SPART: variants seen among roughly 807,000 people sequenced by gnomAD.
The protein encoded by SPART is spartin.
In SPART, 35 loss-of-function variants were observed where a neutral mutation model predicts 58.7. That is an observed-to-expected ratio of 0.60 (90% CI 0.46 to 0.79). The LOEUF (loss-of-function observed/expected upper bound fraction) is 0.79, where lower values mean the gene tolerates loss of function less well. Among genes scored for constraint, SPART ranks in the 30% least tolerant of loss-of-function variants. The pLI is 0.00. For synonymous variants in SPART, 284 were observed against 280.7 expected, an observed-to-expected ratio of 1.01 and a Z score of -0.12; for missense variants, 730 against 786.1, an observed-to-expected ratio of 0.93 and a Z score of 0.85.
chr13:36,366,876 G>A (rs2137736125), intron 1 of SPART, among the ~76,000 whole-genome samples: 1 of 152,282 alleles, frequency 6.6e-6, no homozygotes, highest in South Asian at 2.1e-4. Context: ...CATGCGCCAA[G>A]AAAGAAAATT....
At chr13:36,329,266 T>C in intron 4 of SPART, 96 bp downstream of exon 4, 1 of 1,417,386 alleles carries the variant, frequency 7.1e-7, no homozygotes, top group South Asian at 1.2e-5. Context: ...CAAGTTGCTT[T>C]GCTTTAGTAT....
In SPART at chr13:36,304,610, C is replaced by G; in HGVS notation, c.1756G>C (p.Ala586Pro). Residue 586 changes from alanine to proline, a missense_variant, in exon 9 of 9, where the codon GCT (alanine) becomes CCT (proline). Physicochemically the swap from Ala to Pro is conservative, Grantham distance 27. Transcript: ENST00000438666. ...RYKYGYNAGE[A>P]THHAVDSAVN... ...GCAGAATCCACCGCATGGTGGGTAG[C>G]TTCTCCTGCATTATATCCGTATCTT... 2 of 1,613,984 alleles carry G rather than the reference C, an allele frequency of 1.2e-6. No individual in the cohort carries two copies. The highest frequency in any genetic ancestry group is 1.7e-6 in the Non-Finnish European group (2 of 1,179,962).
At chr13:36,335,877 T>G in intron 1 of SPART, 45 bp from the exon 2 acceptor site, 1 of 1,454,378 alleles carries the variant, frequency 6.9e-7, no homozygotes, top group East Asian at 2.3e-5. Context: ...TAGCTATTGT[T>G]TACTTATGAT....
intron 1 of SPART, among the ~76,000 whole-genome samples, chr13:36,343,946 T>C (rs1184680180): frequency 4.0e-5 from 6 of 151,502 alleles, no homozygotes; most frequent in Non-Finnish European, 7.4e-5. Context: ...GGAGGATCGC[T>C]TGGGCCCAGA....
intron 1 of SPART, among the ~76,000 whole-genome samples, chr13:36,366,780 G>A (rs1460531293): frequency 7.7e-6 from 1 of 130,388 alleles, no homozygotes; most frequent in Admixed American, 8.0e-5. Flanking sequence ...ACCACCCTAC[G>A]TGTATCTGTG....
At chr13:36,359,048 A>C (rs1226491631) in intron 1 of SPART, among the ~76,000 whole-genome samples, 2 of 152,214 alleles carry the variant, frequency 1.3e-5, no homozygotes, top group Non-Finnish European at 2.9e-5. Flanking sequence ...TTAGATGAAG[A>C]AGTAGAAGCT....
chr13:36,309,870 A>C (rs983231269), intron 8 of SPART, among the ~76,000 whole-genome samples: 3 of 152,200 alleles, frequency 2.0e-5, no homozygotes, highest in African/African-American at 7.2e-5. Context: ...TGTACCCTTT[A>C]ATCTATAATA....
chr13:36,362,471 A>G (rs1335442705), intron 1 of SPART, among the ~76,000 whole-genome samples: 2 of 152,060 alleles, frequency 1.3e-5, no homozygotes, highest in South Asian at 2.1e-4. Flanking sequence ...ACATGTATTC[A>G]CTACATCTTT....
At chr13:36,339,398 G>A (rs1470585097) in intron 1 of SPART, among the ~76,000 whole-genome samples, 1 of 151,728 alleles carries the variant, frequency 6.6e-6, no homozygotes, top group African/African-American at 2.4e-5. Flanking sequence ...AATATGTGAG[G>A]CTGAGGCGGG....
intron 5 of SPART, among the ~76,000 whole-genome samples, chr13:36,316,365 G>A (rs890602314): frequency 2.6e-5 from 4 of 152,212 alleles, no homozygotes; most frequent in African/African-American, 9.6e-5. Context: ...CGCATCCCCT[G>A]TGACTTGCAC....
At chr13:36,359,939 A>AAAC (rs1885784412) in intron 1 of SPART, among the ~76,000 whole-genome samples, 1 of 150,172 alleles carries the variant, frequency 6.7e-6, no homozygotes, top group African/African-American at 2.4e-5. Context: ...AAAAAAAAAA[A>AAAC]AAACACCTCT....
At chr13:36,364,077 G>A (rs1371014919) in intron 1 of SPART, among the ~76,000 whole-genome samples, 2 of 152,084 alleles carry the variant, frequency 1.3e-5, no homozygotes. Context: ...CAGTCTTCCT[G>A]ATTGCTAAAA....
chr13:36,317,196 C>T (rs1367119396), intron 5 of SPART, among the ~76,000 whole-genome samples: 1 of 152,186 alleles, frequency 6.6e-6, no homozygotes, highest in Non-Finnish European at 1.5e-5. Context: ...CGCAGGGATG[C>T]CTGCCTTGGT....
At chr13:36,353,987 T>G (rs571290559) in intron 1 of SPART, among the ~76,000 whole-genome samples, 11 of 152,336 alleles carry the variant, frequency 7.2e-5, no homozygotes, top group Non-Finnish European at 1.6e-4. Context: ...AAGGATGCTT[T>G]CTTTCTTTCT....
At position 36,309,763 on chromosome 13, in the gene SPART, C is replaced by T. The variant is rs552038831; in HGVS notation, c.1733+2382G>A. On this transcript the variant is annotated intron_variant, in intron 8 of 8. Coordinates refer to ENST00000438666, the MANE Select transcript of SPART (RefSeq NM_015087.5). The stretch of plus-strand genomic sequence containing the variant: ...AGGAGGGGAGTGTGAGCTAAAAGAC[C>T]ATCTATTGGGTACTATGCTTACTAC... 7.2e-5 allele frequency among the ~76,000 whole-genome samples: 11 copies of T among 152,166 alleles called. No individual in the cohort carries two copies. In the East Asian group the frequency reaches 1.4e-3, roughly 19 times the overall value.
Position 36,301,966 on chromosome 13 carries a change from A to T in SPART, c.*2399T>A, listed in dbSNP as rs942184037. On this transcript the variant is annotated 3_prime_UTR_variant, in exon 9 of 9. Coordinates refer to ENST00000438666, the MANE Select transcript of SPART (RefSeq NM_015087.5). ...ATCCATGCATATAAGCGCAAGAATGAATTTTAAACATAAACTCAAAAAAGC... is the reference window on the plus strand; with the variant it reads ...ATCCATGCATATAAGCGCAAGAATGTATTTTAAACATAAACTCAAAAAAGC... 6.6e-6 allele frequency: 1 copy of T among 152,240 alleles called. No homozygotes were observed. Among genetic ancestry groups the T allele is most frequent in the African/African-American group, 2.4e-5 (1 of 41,458 alleles). 9.4% of individuals were successfully genotyped at this position (152,240 alleles called of 1,614,324 possible).
chr13:36,327,643 T>C (rs1883060049), intron 4 of SPART, among the ~76,000 whole-genome samples: 1 of 152,212 alleles, frequency 6.6e-6, no homozygotes, highest in Non-Finnish European at 1.5e-5. Flanking sequence ...TCTGTGTGTG[T>C]GTATTTAACT....
intron 5 of SPART, among the ~76,000 whole-genome samples, chr13:36,318,058 C>T (rs972487428): frequency 3.9e-5 from 6 of 152,260 alleles, no homozygotes; most frequent in Admixed American, 2.0e-4. Flanking sequence ...CACCAAGCGT[C>T]GCTGAGTCTT....
At chr13:36,319,827 C>G (rs1264601357) in intron 5 of SPART, among the ~76,000 whole-genome samples, 2 of 149,298 alleles carry the variant, frequency 1.3e-5, no homozygotes, top group Non-Finnish European at 3.0e-5. Flanking sequence ...CAGACAGCCC[C>G]CATTACTTCA....
Sources: gnomAD v4.1 joint callset for allele counts (sites outside exome capture counted in the v4.1 genomes callset) on GRCh38, gnomAD v4.1.1 for gene constraint, MANE v1.5 for transcripts, NCBI Gene and HGNC (gene_info 2026-07-23, HGNC 2026-07-21) for gene names.